GSE1: variants seen among roughly 807,000 people sequenced by gnomAD.
GSE1 encodes the protein genetic suppressor element 1.
In GSE1, 32 loss-of-function variants were observed where a neutral mutation model predicts 112.6. That is an observed-to-expected ratio of 0.28 (90% CI 0.21 to 0.38). The LOEUF (loss-of-function observed/expected upper bound fraction) is 0.38. Ranked by LOEUF, GSE1 falls within the 10% of genes least tolerant of loss-of-function variation. The probability of loss-of-function intolerance (pLI) is 1.00; values close to 1 mark genes in which losing one functional copy is unlikely to be tolerated. For synonymous variants in GSE1, 1,115 were observed against 735.6 expected (o/e 1.52, Z -8.35); for missense variants, 2,348 against 1,699.2 (o/e 1.38, Z -6.71).
intron 2 of GSE1, among the ~76,000 whole-genome samples, chr16:85,474,827 G>A (rs1192183733): frequency 2.6e-5 from 4 of 152,048 alleles, no homozygotes; most frequent in African/African-American, 9.7e-5. Flanking sequence ...AAGCCCTTGT[G>A]CCAGTTTCCG....
rs140323316 is a variant in GSE1 at position 85,533,352 on chromosome 16, G to A, written c.2465-100562G>A. Among the ~76,000 whole-genome samples the A allele has an allele frequency of 3.2e-3, 493 of 152,120 alleles. 4 individuals carry two copies. Among genetic ancestry groups the A allele is most frequent in the East Asian group, 0.012 (61 of 5,176 alleles). ...GGAGAATCGCTTGAAACTGGGAGGC[G>A]GAGGTTGCAATGAGCCGAGATCGCA... On this transcript the variant is annotated intron_variant, in intron 2 of 2. Coordinates refer to the GSE1 transcript ENST00000637419.
chr16:85,284,414 C>T (rs2044953209), intron 1 of GSE1, among the ~76,000 whole-genome samples: 1 of 152,166 alleles, frequency 6.6e-6, no homozygotes, highest in Non-Finnish European at 1.5e-5. Context: ...CTGGGAGGTG[C>T]CAGGTGAGAC....
intron 1 of GSE1, among the ~76,000 whole-genome samples, chr16:85,208,911 T>C (rs572634052): frequency 4.8e-5 from 7 of 144,996 alleles, no homozygotes; most frequent in Non-Finnish European, 7.6e-5. Context: ...TGTTGGGGTT[T>C]GCCACGTGTC....
chr16:85,342,342 G>A (rs2046641279), intron 1 of GSE1, among the ~76,000 whole-genome samples: 1 of 152,190 alleles, frequency 6.6e-6, no homozygotes, highest in Admixed American at 6.5e-5. Flanking sequence ...ATTTTTCACT[G>A]TAATACCCTT....
At chr16:85,543,055 A>G (rs533110446) in intron 2 of GSE1, among the ~76,000 whole-genome samples, 2 of 152,246 alleles carry the variant, frequency 1.3e-5, no homozygotes, top group South Asian at 4.1e-4. Context: ...GTGAAACTCC[A>G]TCTCTACTAA....
At chr16:85,413,188 C>T (rs558277155) in intron 2 of GSE1, among the ~76,000 whole-genome samples, 21 of 152,322 alleles carry the variant, frequency 1.4e-4, no homozygotes, top group African/African-American at 4.1e-4. Flanking sequence ...CGCTCCCATC[C>T]GGGCAGCGGC....
intron 8 of GSE1, among the ~76,000 whole-genome samples, chr16:85,658,167 C>G (rs73253226): frequency 0.011 from 1,715 of 152,354 alleles, 39 homozygotes; most frequent in African/African-American, 0.04. Context: ...GAGCTGGGCC[C>G]CAGTGCCCCC....
At chr16:85,294,662 T>G (rs1219621368) in intron 1 of GSE1, among the ~76,000 whole-genome samples, 26 of 113,718 alleles carry the variant, frequency 2.3e-4, no homozygotes, top group African/African-American at 8.6e-4. Context: ...TCTCTCTGTC[T>G]CTCTCTCTCC....
intron 1 of GSE1, among the ~76,000 whole-genome samples, chr16:85,599,242 GGA>G (rs1408264846): frequency 2.0e-5 from 3 of 152,212 alleles, no homozygotes; most frequent in Non-Finnish European, 2.9e-5. Flanking sequence ...AGGTTCTTTT[GGA>G]GAGAGAGGCG....
intron 1 of GSE1, among the ~76,000 whole-genome samples, chr16:85,584,209 A>G (rs907059407): frequency 1.3e-5 from 2 of 152,068 alleles, no homozygotes; most frequent in African/African-American, 4.8e-5. Flanking sequence ...GTGTTCCCCA[A>G]GATGCCAGGC....
In GSE1 at chr16:85,373,372, G is replaced by A. The variant is rs574471323; in HGVS notation, c.2464+15729G>A. 2.6e-5 allele frequency among the ~76,000 whole-genome samples: 4 copies of A among 152,342 alleles called. No homozygotes were observed. In the South Asian group the frequency reaches 8.3e-4, roughly 32 times the overall value. On this transcript the variant is annotated intron_variant, in intron 2 of 2. Coordinates refer to the GSE1 transcript ENST00000637419. The surrounding 1 kb of genome is among the most constrained non-coding windows in gnomAD (Gnocchi z 5.1). ...GGCTGTTTGTTTGGGTGTCTCTGGTGTCTTCTCTTGTCAAACAGACAAAAA... is the reference window on the plus strand; with the variant it reads ...GGCTGTTTGTTTGGGTGTCTCTGGTATCTTCTCTTGTCAAACAGACAAAAA...
upstream of GSE1, chr16:85,555,923 C>T (rs2045187133): frequency 1.0e-6 from 1 of 968,642 alleles, no homozygotes; most frequent in Non-Finnish European, 1.2e-6. Flanking sequence ...CTCCTCTTCC[C>T]CGCCTGCTTC....
At chr16:85,180,546 C>G (rs949387867) in intron 1 of GSE1, among the ~76,000 whole-genome samples, 16 of 152,370 alleles carry the variant, frequency 1.1e-4, no homozygotes, top group Admixed American at 9.8e-4. Context: ...AGCCAGTGTC[C>G]GAAGAGTTTT....
At chr16:85,208,916 C>T (rs969753324) in intron 1 of GSE1, among the ~76,000 whole-genome samples, 3 of 136,388 alleles carry the variant, frequency 2.2e-5, no homozygotes, top group Admixed American at 7.4e-5. Context: ...GGGTTTGCCA[C>T]GTGTCGGGGT....
At chr16:85,382,395 C>T (rs534317894) in intron 2 of GSE1, among the ~76,000 whole-genome samples, 8 of 152,352 alleles carry the variant, frequency 5.3e-5, no homozygotes, top group African/African-American at 1.9e-4. Flanking sequence ...AGGCCCTGGA[C>T]GAGGGCTCCT....
intron 2 of GSE1, among the ~76,000 whole-genome samples, chr16:85,537,623 C>T (rs1282283906): frequency 6.6e-6 from 1 of 152,212 alleles, no homozygotes; most frequent in Non-Finnish European, 1.5e-5. Flanking sequence ...CATGTGGATT[C>T]GTGCCCAGCC....
intron 2 of GSE1, among the ~76,000 whole-genome samples, chr16:85,384,323 C>T (rs1157059935): frequency 6.6e-6 from 1 of 152,206 alleles, no homozygotes; most frequent in Admixed American, 6.5e-5. Flanking sequence ...TGGAGAACCT[C>T]CCCCTTGCCC....
intron 5 of GSE1, 115 bp from the exon 6 acceptor site, chr16:85,655,611 G>C: frequency 1.5e-6 from 1 of 653,330 alleles, no homozygotes; most frequent in South Asian, 1.9e-5. Context: ...CAGCCATTTT[G>C]TCACGTTCCC....
chr16:85,340,108 C>T (rs963022607), intron 1 of GSE1, among the ~76,000 whole-genome samples: 1 of 152,080 alleles, frequency 6.6e-6, no homozygotes, highest in East Asian at 1.9e-4. Context: ...TGGTACAAAT[C>T]GTTTAAGAAT....
Sources: allele counts gnomAD v4.1 joint callset (sites outside exome capture counted in the v4.1 genomes callset), GRCh38; gene constraint gnomAD v4.1.1; non-coding constraint Gnocchi (gnomAD v3.1); transcripts MANE v1.5; gene names NCBI Gene and HGNC (gene_info 2026-07-23, HGNC 2026-07-21).